ARFGEF3: variants seen among roughly 807,000 people sequenced by gnomAD.
ARFGEF3 encodes ARFGEF family member 3.
In ARFGEF3, 96 loss-of-function variants were observed where a neutral mutation model predicts 221.7. That is an observed-to-expected ratio of 0.43 (90% confidence interval 0.37 to 0.51). The LOEUF (loss-of-function observed/expected upper bound fraction) is 0.51, where lower values mean the gene tolerates loss of function less well. Among genes scored for constraint, ARFGEF3 ranks in the 20% least tolerant of loss-of-function variants. ARFGEF3 has a pLI of 0.00. For missense variants in ARFGEF3, 2,410 were observed against 2,789.9 expected (o/e 0.86, Z 3.07); for synonymous variants, 1,145 against 1,126.8 (o/e 1.02, Z -0.32).
Position 138,263,246 on chromosome 6 carries a change from G to A in ARFGEF3, c.1763G>A (p.Gly588Glu), listed in dbSNP as rs1185348270. Residue 588 changes from glycine (G) to glutamate (E), a missense_variant, in exon 12 of 34, where the codon GGA (glycine) becomes GAA (glutamate). Gly to Glu is a moderately conservative substitution (Grantham distance 98). This residue lies in a region of ARFGEF3 where 594 missense variants were observed against 734.3 expected (regional missense o/e 0.81). Coordinates refer to ENST00000251691, the MANE Select transcript of ARFGEF3 (RefSeq NM_020340.5). ...LSVDCRTRSY[G>E]SRYSESNFSV... ...GTAGACTGCAGGACAAGGTCCTATGGATCTAGGTATAGTGAGAGCAATTTT... is the reference window on the plus strand; with the variant it reads ...GTAGACTGCAGGACAAGGTCCTATGAATCTAGGTATAGTGAGAGCAATTTT... The A allele has an allele frequency of 8.1e-6, 13 of 1,613,888 alleles. No individual in the cohort carries two copies. The highest frequency in any genetic ancestry group is 1.1e-5 in the Non-Finnish European group (13 of 1,179,900).
Position 138,311,529 on chromosome 6 carries a change from TG to T in ARFGEF3, c.4200+22del. On this transcript the variant is annotated intron_variant, in intron 25 of 33. Transcript: ENST00000251691. ...CTCTCAGGTAGGGGAATGGTCCAGC[TG>T]GGCTCCCGGCCTGGAAACCTGCCTC... The T allele has an allele frequency of 6.5e-7, 1 of 1,547,312 alleles. No homozygotes were observed. Among genetic ancestry groups the T allele is most frequent in the Non-Finnish European group, 8.8e-7 (1 of 1,136,062 alleles).
intron 6 of ARFGEF3, among the ~76,000 whole-genome samples, chr6:138,239,020 G>A (rs1562364203): frequency 6.6e-6 from 1 of 152,132 alleles, no homozygotes; most frequent in Non-Finnish European, 1.5e-5. Context: ...GTTTCCCTTT[G>A]TTAACTAAAA....
intron 26 of ARFGEF3, among the ~76,000 whole-genome samples, chr6:138,315,907 A>G (rs1249229335): frequency 6.6e-6 from 1 of 152,170 alleles, no homozygotes; most frequent in Non-Finnish European, 1.5e-5. Context: ...TACAGGAAAG[A>G]ATATCTAATA....
intron 20 of ARFGEF3, among the ~76,000 whole-genome samples, chr6:138,296,532 A>G (rs1345857911): frequency 3.9e-5 from 6 of 152,066 alleles, no homozygotes; most frequent in Non-Finnish European, 7.4e-5. Flanking sequence ...CGGCCCTCCT[A>G]CTGAACCGCT....
At chr6:138,286,633 A>G (rs1583049852) in intron 15 of ARFGEF3, 68 bp from the exon 16 acceptor site, 1 of 1,249,688 alleles carries the variant, frequency 8.0e-7, no homozygotes, top group Non-Finnish European at 1.2e-6. Context: ...TAGCAAGAGA[A>G]TGTGATGTCA....
At chr6:138,292,817 C>T (rs910108615) in intron 19 of ARFGEF3, among the ~76,000 whole-genome samples, 10 of 152,202 alleles carry the variant, frequency 6.6e-5, no homozygotes, top group Non-Finnish European at 1.2e-4. Context: ...CTCAATTTCT[C>T]CAACTACTAA....
intron 4 of ARFGEF3, among the ~76,000 whole-genome samples, chr6:138,223,660 G>A (rs944028331): frequency 2.0e-5 from 3 of 152,126 alleles, no homozygotes; most frequent in Non-Finnish European, 4.4e-5. Context: ...ATATGGCATA[G>A]GGGTAGGTTG....
intron 22 of ARFGEF3, among the ~76,000 whole-genome samples, chr6:138,300,721 T>A (rs548014127): frequency 1.8e-4 from 28 of 152,370 alleles, no homozygotes; most frequent in African/African-American, 6.7e-4. Flanking sequence ...AATTGCAGTC[T>A]GGGACCTCCC....
chr6:138,277,894 G>A (rs538517798), intron 12 of ARFGEF3, among the ~76,000 whole-genome samples: 1 of 152,336 alleles, frequency 6.6e-6, no homozygotes, highest in East Asian at 1.9e-4. Flanking sequence ...AAAAGGGAAG[G>A]TCTCTCTGTC....
At chr6:138,266,398 G>GTGT in intron 12 of ARFGEF3, among the ~76,000 whole-genome samples, 1 of 152,140 alleles carries the variant, frequency 6.6e-6, no homozygotes, top group East Asian at 1.9e-4. Context: ...GGGTCTCACT[G>GTGT]TGTTGGAAAG....
intron 2 of ARFGEF3, among the ~76,000 whole-genome samples, chr6:138,188,652 AG>A (rs374362942): frequency 3.2e-3 from 481 of 152,370 alleles, no homozygotes; most frequent in African/African-American, 0.011. Flanking sequence ...AGTTACAGAC[AG>A]GCTGAAGGGC....
chr6:138,171,374 A>G (rs1304656908), intron 2 of ARFGEF3, among the ~76,000 whole-genome samples: 1 of 148,558 alleles, frequency 6.7e-6, no homozygotes, highest in African/African-American at 2.6e-5. Context: ...TATGTGAAGG[A>G]GTAGAAAGAA....
intron 2 of ARFGEF3, among the ~76,000 whole-genome samples, chr6:138,178,303 G>C (rs1776995826): frequency 6.6e-6 from 1 of 152,128 alleles, no homozygotes; most frequent in African/African-American, 2.4e-5. Flanking sequence ...AGGTCTAGAG[G>C]TGTTTGAATA....
At chr6:138,201,133 CT>C (rs1777527726) in intron 2 of ARFGEF3, among the ~76,000 whole-genome samples, 3 of 152,312 alleles carry the variant, frequency 2.0e-5, no homozygotes, top group Admixed American at 2.0e-4. Context: ...CACCTTACTC[CT>C]GCAAGAATGG....
chr6:138,231,911 A>G (rs1400434424), intron 5 of ARFGEF3, among the ~76,000 whole-genome samples: 1 of 152,244 alleles, frequency 6.6e-6, no homozygotes, highest in African/African-American at 2.4e-5. Context: ...TAACTTGCTT[A>G]ATTAAACTGC....
At position 138,255,614 on chromosome 6, in the gene ARFGEF3, C is replaced by G. The variant is rs1369813516; in HGVS notation, c.949C>G (p.Pro317Ala). ...CSCTAPALSG[P>A]VARTIYYIAA... ...CTGCACTGCGCCGGCCCTGAGCGGACCTGTGGCTCGGACTATCTATTACAT... is the reference window on the plus strand; with the variant it reads ...CTGCACTGCGCCGGCCCTGAGCGGAGCTGTGGCTCGGACTATCTATTACAT... The change falls in exon 10 of 34, where the codon CCT becomes GCT. Residue 317 changes from proline to alanine, a missense_variant. Around this residue, in one of 5 missense-constraint regions of ARFGEF3, gnomAD observed 570 missense variants for 586.9 expected, o/e 0.97. Transcript: ENST00000251691. The G allele has an allele frequency of 1.2e-6, 2 of 1,613,990 alleles. No individual in the cohort carries two copies. The highest frequency in any genetic ancestry group is 3.3e-5 in the Admixed American group (2 of 60,024).
At chr6:138,198,532 C>T (rs1007837689) in intron 2 of ARFGEF3, among the ~76,000 whole-genome samples, 2 of 152,180 alleles carry the variant, frequency 1.3e-5, no homozygotes, top group African/African-American at 4.8e-5. Context: ...TTGGTGTAAA[C>T]TGTTTAAATG....
chr6:138,196,154 C>A (rs1004496940), intron 2 of ARFGEF3, among the ~76,000 whole-genome samples: 11 of 152,168 alleles, frequency 7.2e-5, no homozygotes, highest in African/African-American at 2.7e-4. Flanking sequence ...GCCTGCCCTG[C>A]CTCTTGTCCA....
At chr6:138,265,183 A>T (rs203148) in intron 12 of ARFGEF3, among the ~76,000 whole-genome samples, 59 of 152,074 alleles carry the variant, frequency 3.9e-4, no homozygotes, top group African/African-American at 7.7e-4. Context: ...GATTACAGGC[A>T]TGAGCCACTG....
Sources: gnomAD v4.1 joint callset for allele counts (sites outside exome capture counted in the v4.1 genomes callset) on GRCh38, gnomAD v4.1.1 for gene constraint, gnomAD v4.1.1 regional missense constraint, MANE v1.5 for transcripts, NCBI Gene and HGNC (gene_info 2026-07-23, HGNC 2026-07-21) for gene names.